PABPC1: variants seen among roughly 807,000 people sequenced by gnomAD.
PABPC1 encodes polyadenylate-binding protein 1.
PABPC1 carries 4 observed loss-of-function variants against 74.0 expected under a neutral mutation model. The observed-to-expected ratio is 0.05, with a 90% CI of 0.03 to 0.12. The LOEUF (loss-of-function observed/expected upper bound fraction) is 0.12. Ranked by LOEUF, PABPC1 falls within the 10% of genes least tolerant of loss-of-function variation. The pLI is 1.00. For missense variants in PABPC1, 271 were observed against 821.1 expected (o/e 0.33, Z 8.19); for synonymous variants, 227 against 264.1 (o/e 0.86, Z 1.36).
intron 7 of PABPC1, among the ~76,000 whole-genome samples, chr8:100,710,407 CAG>C (rs1810497280): frequency 6.6e-6 from 1 of 152,140 alleles, no homozygotes; most frequent in African/African-American, 2.4e-5. Context: ...GGTAATAAAA[CAG>C]AGGCCAGAAA....
chr8:100,718,238 C>T lies in PABPC1; in HGVS notation c.236G>A (p.Gly79Asp). Residue 79 changes from glycine to aspartate, a missense_variant, in exon 2 of 15, where the codon GGC becomes GAC. Physicochemically the swap from Gly to Asp is moderately conservative, Grantham distance 94. Around this residue, in one of 7 missense-constraint regions of PABPC1, gnomAD observed 47 missense variants for 214.1 expected, o/e 0.22. Coordinates refer to ENST00000318607, the MANE Select transcript of PABPC1 (RefSeq NM_002568.4). ...LDTMNFDVIK[G>D]KPVRIMWSQR... The stretch of plus-strand genomic sequence containing the variant: ...AGACCACATGATGCGTACTGGCTTG[C>T]CCTTTATAACATCAAAATTCATGGT... The T allele has an allele frequency of 6.2e-7, 1 of 1,613,956 alleles. No homozygotes were observed. The highest frequency in any genetic ancestry group is 1.1e-5 in the South Asian group (1 of 91,080).
intron 11 of PABPC1, 34 bp downstream of exon 11, chr8:100,706,617 T>C: frequency 1.3e-6 from 2 of 1,590,032 alleles, no homozygotes; most frequent in Non-Finnish European, 8.6e-7. Context: ...ACCCAAGAAA[T>C]GTGATTTTTA....
intron 7 of PABPC1, among the ~76,000 whole-genome samples, chr8:100,711,566 A>T (rs1810528172): frequency 6.6e-6 from 1 of 152,248 alleles, no homozygotes; most frequent in Non-Finnish European, 1.5e-5. Flanking sequence ...GAACACACTG[A>T]AGACAAAAAC....
At chr8:100,705,205 G>C (rs1178076103) in intron 12 of PABPC1, 149 bp from the exon 13 acceptor site, 2 of 675,248 alleles carry the variant, frequency 3.0e-6, no homozygotes, top group East Asian at 5.4e-5. Context: ...GTCTTCATGG[G>C]AAGACAGAAT....
At chr8:100,707,045 G>A in intron 9 of PABPC1, 48 bp from the exon 10 acceptor site, 2 of 1,343,248 alleles carry the variant, frequency 1.5e-6, no homozygotes, top group Non-Finnish European at 1.1e-6. Flanking sequence ...AACTTACTGA[G>A]TGAAAAGTGT....
At chr8:100,704,498 T>C (rs1178125926) in intron 13 of PABPC1, 108 bp from the exon 14 acceptor site, 3 of 946,084 alleles carry the variant, frequency 3.2e-6, no homozygotes, top group South Asian at 1.4e-5. Flanking sequence ...TTCCCTCAAA[T>C]GAAAGTATAA....
rs138266800 is a variant in PABPC1, at chr8:100,716,830, G to A, written c.503+943C>T. On this transcript the variant is annotated intron_variant, in intron 3 of 14. Coordinates refer to ENST00000318607, the MANE Select transcript of PABPC1 (RefSeq NM_002568.4). The stretch of plus-strand genomic sequence containing the variant: ...CAGTGGCTGGGAATAAAGGCACACT[G>A]CAGTAAAGCTGAAACTTTATGAAAG... 1.1e-4 allele frequency among the ~76,000 whole-genome samples: 16 copies of A among 152,292 alleles called. No homozygotes were observed. The East Asian group carries it at 2.7e-3, about 26-fold the overall frequency.
At chr8:100,705,784 T>C (rs1182954157) in intron 11 of PABPC1, 111 bp from the exon 12 acceptor site, 3 of 729,390 alleles carry the variant, frequency 4.1e-6, no homozygotes, top group African/African-American at 3.5e-5. Flanking sequence ...AAACATGAGG[T>C]GGAGAAGTTG....
intron 1 of PABPC1, 70 bp from the exon 2 acceptor site, chr8:100,718,350 C>G: frequency 2.4e-6 from 3 of 1,239,174 alleles, no homozygotes; most frequent in Non-Finnish European, 2.3e-6. Context: ...ATTATATAAA[C>G]TATGGTGACT....
chr8:100,704,236 C>T (rs1158630826), intron 14 of PABPC1, 61 bp downstream of exon 14: 2 of 1,298,906 alleles, frequency 1.5e-6, no homozygotes, highest in Non-Finnish European at 2.2e-6. Flanking sequence ...ATATGCTCAA[C>T]AAACTTTATA....
intron 14 of PABPC1, among the ~76,000 whole-genome samples, chr8:100,703,591 C>A (rs1186114128): frequency 6.6e-6 from 1 of 152,114 alleles, no homozygotes; most frequent in Non-Finnish European, 1.5e-5. Flanking sequence ...CCTATCTGGC[C>A]CTTTACAAAA....
At chr8:100,714,262 T>A (rs3133526) in intron 4 of PABPC1, among the ~76,000 whole-genome samples, 87,210 of 152,154 alleles carry the variant, frequency 0.57, 26,822 homozygotes, top group African/African-American at 0.82. Context: ...CTTCTAATTA[T>A]AAGACATTAA....
chr8:100,711,386 G>A (rs1810524185), intron 7 of PABPC1, among the ~76,000 whole-genome samples: 1 of 152,102 alleles, frequency 6.6e-6, no homozygotes, highest in South Asian at 2.1e-4. Context: ...GGACAAGCTT[G>A]GCTTAAGCCC....
At chr8:100,707,181 C>A in intron 9 of PABPC1, 184 bp from the exon 10 acceptor site, 1 of 505,142 alleles carries the variant, frequency 2.0e-6, no homozygotes, top group East Asian at 3.7e-5. Context: ...AACATTAATT[C>A]ATACAAGGAC....
chr8:100,710,504 C>T (rs1810499317), intron 7 of PABPC1, among the ~76,000 whole-genome samples: 1 of 152,174 alleles, frequency 6.6e-6, no homozygotes, highest in Admixed American at 6.5e-5. Flanking sequence ...CTACTCAATA[C>T]ATGACACACT....
At chr8:100,704,416 TG>T in intron 13 of PABPC1, 26 bp from the exon 14 acceptor site, 3 of 1,565,542 alleles carry the variant, frequency 1.9e-6, no homozygotes, top group Non-Finnish European at 2.6e-6. Flanking sequence ...ACAGATAAAC[TG>T]GTTCAGGAAA....
At position 100,721,038 on chromosome 8, in the gene PABPC1, G is replaced by C. The variant is rs1413480452; in HGVS notation, c.193+353C>G. ...GCGCCTCCACCTCTTACCCACGGAA[G>C]GAGCTCAGCGTTCAACGCCCCAGAA... On this transcript the variant is annotated intron_variant, in intron 1 of 14. Coordinates refer to ENST00000318607, the MANE Select transcript of PABPC1 (RefSeq NM_002568.4). The surrounding 1 kb of genome is among the most constrained non-coding windows in gnomAD (Gnocchi z 7.4). 6.9e-6 allele frequency among the ~76,000 whole-genome samples: 1 copy of C among 144,316 alleles called. No homozygotes were observed. Among genetic ancestry groups the C allele is most frequent in the African/African-American group, 2.9e-5 (1 of 34,108 alleles). The allele number at this position is 144,316 out of a possible 152,430, so 94.7% of individuals were successfully genotyped here.
At chr8:100,709,345 AATC>A in intron 8 of PABPC1, 111 bp downstream of exon 8, 14 of 1,471,502 alleles carry the variant, frequency 9.5e-6, no homozygotes, top group Non-Finnish European at 1.2e-5. Flanking sequence ...TTTCCTACTC[AATC>A]ATAATTCCCC....
In PABPC1 at chr8:100,717,532, C is replaced by A. The variant is rs139025105; in HGVS notation, c.503+241G>T. ...TGGCATGAATGTTAATTATATTAAA[C>A]CTGTTATTTGTATGTTACACTTACT... On this transcript the variant is annotated intron_variant, in intron 3 of 14. Coordinates refer to ENST00000318607, the MANE Select transcript of PABPC1 (RefSeq NM_002568.4). Among the ~76,000 whole-genome samples, 739 of 152,172 alleles carry A rather than the reference C, an allele frequency of 4.9e-3. 7 individuals are homozygous for A. Among genetic ancestry groups the A allele is most frequent in the Middle Eastern group, 0.017 (5 of 292 alleles).
Sources: gnomAD v4.1 joint callset for allele counts (sites outside exome capture counted in the v4.1 genomes callset) on GRCh38, gnomAD v4.1.1 for gene constraint, gnomAD v4.1.1 regional missense constraint, Gnocchi (gnomAD v3.1) non-coding constraint, MANE v1.5 for transcripts, NCBI Gene and HGNC (gene_info 2026-07-23, HGNC 2026-07-21) for gene names.